The following SMURF1 variants were observed in gnomAD, a reference collection of about 807,000 sequenced individuals.
The protein encoded by SMURF1 is SMAD specific E3 ubiquitin protein ligase 1, also known as E3 ubiquitin-protein ligase SMURF1.
A neutral mutation model predicts 98.0 loss-of-function variants in SMURF1; 44 were observed. The observed-to-expected ratio is 0.45, with a 90% CI of 0.35 to 0.58. The LOEUF (loss-of-function observed/expected upper bound fraction) is 0.58, where lower values mean the gene tolerates loss of function less well. SMURF1 is among the 20% of genes least tolerant of loss of function. The pLI, the probability that SMURF1 is intolerant of heterozygous loss-of-function variation, is 0.00. For missense variants in SMURF1, 687 were observed against 938.4 expected, an observed-to-expected ratio of 0.73 and a Z score of 3.50; for synonymous variants, 396 against 374.9, an observed-to-expected ratio of 1.06 and a Z score of -0.65.
intron 17 of SMURF1, chr7:99,031,361 A>C (rs1794880625): frequency 6.6e-6 from 1 of 152,268 alleles, no homozygotes; most frequent in African/African-American, 2.4e-5. Flanking sequence ...GCTCATTTCC[A>C]GTATTTGTGC....
intron 10 of SMURF1, among the ~76,000 whole-genome samples, chr7:99,046,195 T>G (rs1349817767): frequency 6.6e-6 from 1 of 152,142 alleles, no homozygotes; most frequent in Non-Finnish European, 1.5e-5. Flanking sequence ...CTAAGAGAGT[T>G]CTGAGCCTCT....
chr7:99,039,188 T>C (rs1401297017), intron 13 of SMURF1, among the ~76,000 whole-genome samples: 13 of 101,028 alleles, frequency 1.3e-4, no homozygotes, highest in Admixed American at 1.1e-4. Context: ...AGCAAGACTC[T>C]GTCTCAAAAA....
At chr7:99,092,529 C>T (rs536331623) in intron 1 of SMURF1, among the ~76,000 whole-genome samples, 3 of 152,282 alleles carry the variant, frequency 2.0e-5, no homozygotes, top group East Asian at 1.9e-4. Context: ...CAGGCAACAA[C>T]GCGCCTTCTC....
intron 1 of SMURF1, among the ~76,000 whole-genome samples, chr7:99,078,701 G>A (rs78861909): frequency 6.6e-6 from 1 of 152,226 alleles, no homozygotes; most frequent in Non-Finnish European, 1.5e-5. Context: ...AACTGCGCAT[G>A]CGAGGGGTCT....
chr7:99,030,787 A>AAT lies in SMURF1; in HGVS notation c.2097-105_2097-104insAT. 7 of 552,856 alleles carry AAT rather than the reference A, an allele frequency of 1.3e-5. 1 individual carries two copies. The highest frequency in any genetic ancestry group is 2.3e-5 in the Non-Finnish European group (7 of 305,568). The allele number at this position is 552,856 out of a possible 1,614,324, so 34.2% of individuals were successfully genotyped here. A position where few individuals can be genotyped will look rare whatever the true frequency, so the allele number is the denominator to read the frequency against. On this transcript the variant is annotated intron_variant, in intron 17 of 17. Coordinates refer to ENST00000361368, the MANE Select transcript of SMURF1 (RefSeq NM_181349.3). ...GAAGTATATGTGGGAGGGGAGAGGA[A>AAT]TGGGGGGTGGGGCAGGGTTGGTGAT...
intron 1 of SMURF1, among the ~76,000 whole-genome samples, chr7:99,082,614 T>C (rs1044953354): frequency 6.6e-6 from 1 of 152,228 alleles, no homozygotes; most frequent in East Asian, 1.9e-4. Flanking sequence ...GTAATTACTT[T>C]AGCTTTGTAG....
chr7:99,096,138 A>G (rs2150583856), intron 1 of SMURF1, among the ~76,000 whole-genome samples: 1 of 152,308 alleles, frequency 6.6e-6, no homozygotes. Flanking sequence ...TACTGTGAAC[A>G]ACTTTCACCT....
At chr7:99,073,969 C>G (rs1163515892) in intron 1 of SMURF1, among the ~76,000 whole-genome samples, 1 of 152,014 alleles carries the variant, frequency 6.6e-6, no homozygotes, top group South Asian at 2.1e-4. Flanking sequence ...ATCAACAATA[C>G]AAACAATAAA....
chr7:99,098,406 CAAAG>C (rs1797000976), intron 1 of SMURF1, among the ~76,000 whole-genome samples: 1 of 152,030 alleles, frequency 6.6e-6, no homozygotes. Flanking sequence ...TGACTCTAAT[CAAAG>C]AGAGAGAAGT....
At chr7:99,109,942 A>AT (rs1348496916) in intron 1 of SMURF1, among the ~76,000 whole-genome samples, 4 of 152,226 alleles carry the variant, frequency 2.6e-5, no homozygotes, top group Non-Finnish European at 5.9e-5. Flanking sequence ...AACCAGCAAC[A>AT]CATAGTACAT....
At chr7:99,088,258 A>C (rs1796727924) in intron 1 of SMURF1, among the ~76,000 whole-genome samples, 1 of 130,790 alleles carries the variant, frequency 7.6e-6, no homozygotes, top group Non-Finnish European at 1.6e-5. Context: ...ACTCTGTCTC[A>C]AAAAAAAAAA....
chr7:99,141,170 A>G (rs142799580), intron 1 of SMURF1, among the ~76,000 whole-genome samples: 2,089 of 152,322 alleles, frequency 0.014, 26 homozygotes, highest in Non-Finnish European at 0.023. Context: ...TCATCCAAAA[A>G]TTCCTCAAAG....
intron 16 of SMURF1, among the ~76,000 whole-genome samples, chr7:99,033,817 C>T (rs1795013458): frequency 6.6e-6 from 1 of 152,248 alleles, no homozygotes; most frequent in South Asian, 2.1e-4. Flanking sequence ...TGTTTCCAAA[C>T]TCAGCCCCAA....
intron 13 of SMURF1, among the ~76,000 whole-genome samples, chr7:99,038,907 T>C (rs1267345643): frequency 6.6e-6 from 1 of 151,988 alleles, no homozygotes; most frequent in African/African-American, 2.4e-5. Flanking sequence ...GAAAATACTG[T>C]GCCTGGCCAG....
chr7:99,039,386 T>G (rs1449884202), intron 13 of SMURF1, among the ~76,000 whole-genome samples: 6 of 151,902 alleles, frequency 3.9e-5, no homozygotes, highest in African/African-American at 1.4e-4. Flanking sequence ...CACTCTGTCA[T>G]CCAGGCTGGA....
intron 1 of SMURF1, among the ~76,000 whole-genome samples, chr7:99,075,056 C>G (rs1439185763): frequency 6.6e-6 from 1 of 152,096 alleles, no homozygotes; most frequent in Non-Finnish European, 1.5e-5. Flanking sequence ...ATACTAAGTG[C>G]TAGCAAGGAG....
chr7:99,094,331 C>A (rs1796895793), intron 1 of SMURF1, among the ~76,000 whole-genome samples: 1 of 152,082 alleles, frequency 6.6e-6, no homozygotes, highest in Non-Finnish European at 1.5e-5. Flanking sequence ...CAATATATAT[C>A]AACTTAAATT....
At chr7:99,124,297 C>T (rs1281726263) in intron 1 of SMURF1, among the ~76,000 whole-genome samples, 2 of 152,208 alleles carry the variant, frequency 1.3e-5, no homozygotes, top group Non-Finnish European at 2.9e-5. Flanking sequence ...AAGTGGTGGT[C>T]ACCTTAGAAT....
At chr7:99,126,374 T>C (rs569787796) in intron 1 of SMURF1, among the ~76,000 whole-genome samples, 1 of 151,804 alleles carries the variant, frequency 6.6e-6, no homozygotes, top group African/African-American at 2.4e-5. Flanking sequence ...AATTATGGGC[T>C]GGGCTGGGTG....
Sources: gnomAD v4.1 joint callset for allele counts (sites outside exome capture counted in the v4.1 genomes callset) on GRCh38, gnomAD v4.1.1 for gene constraint, MANE v1.5 for transcripts, NCBI Gene and HGNC (gene_info 2026-07-23, HGNC 2026-07-21) for gene names.